The following DGCR8 variants were observed in gnomAD, a reference collection of about 807,000 sequenced individuals.
DGCR8 encodes microprocessor complex subunit DGCR8.
DGCR8 carries 14 observed loss-of-function variants against 78.5 expected under a neutral mutation model. The observed-to-expected ratio is 0.18, with a 90% confidence interval of 0.12 to 0.28. The LOEUF is 0.28. DGCR8 is among the 10% of genes least tolerant of loss of function. DGCR8 has a pLI of 1.00. For missense variants in DGCR8, 702 were observed against 1,022.5 expected, an observed-to-expected ratio of 0.69 and a Z score of 4.28; for synonymous variants, 399 against 402.4, an observed-to-expected ratio of 0.99 and a Z score of 0.10.
At position 20,111,706 on chromosome 22, in the gene DGCR8, G is replaced by GCCCCCCCCCCCCCCCCCCCCCC. The variant is rs71717697; in HGVS notation, c.*1614_*1615insCCCCCCCCCCCCCCCCCCCCCC. ...TGCCATACTCTTGTGGTCTCTGTGC[G>GCCCCCCCCCCCCCCCCCCCCCC]CCCCCCCCCCCCCCCCACCCGTCTG... On this transcript the variant is annotated 3_prime_UTR_variant, in exon 14 of 14. Coordinates refer to ENST00000351989, the MANE Select transcript of DGCR8 (RefSeq NM_022720.7). 1.6e-5 allele frequency: 1 copy of GCCCCCCCCCCCCCCCCCCCCCC among 63,026 alleles called. No homozygotes were observed. The highest frequency in any genetic ancestry group is 3.0e-5 in the Non-Finnish European group (1 of 33,564). 3.9% of individuals were successfully genotyped at this position (63,026 alleles called of 1,614,324 possible). A position where few individuals can be genotyped will look rare whatever the true frequency, so the allele number is the denominator to read the frequency against.
At chr22:20,106,448 G>A (rs927819126) in intron 10 of DGCR8, 144 bp from the exon 11 acceptor site, 49 of 806,766 alleles carry the variant, frequency 6.1e-5, no homozygotes, top group Middle Eastern at 3.1e-4. Flanking sequence ...TGAATCGGGC[G>A]TGTGGAGAAT....
chr22:20,110,998 G>C lies in DGCR8; in HGVS notation c.*890G>C, dbSNP rs2286928. Reference sequence around the variant, plus strand: ...ATTTTGAAAGACTTTCACAGTGAGAGTAGAAGGTAGATTTGGAATCATGCA... The same window carrying C: ...ATTTTGAAAGACTTTCACAGTGAGACTAGAAGGTAGATTTGGAATCATGCA... On this transcript the variant is annotated 3_prime_UTR_variant, in exon 14 of 14. Coordinates refer to ENST00000351989, the MANE Select transcript of DGCR8 (RefSeq NM_022720.7). 2.5e-6 allele frequency: 1 copy of C among 396,858 alleles called. No individual in the cohort carries two copies. Among genetic ancestry groups the C allele is most frequent in the African/African-American group, 2.1e-5 (1 of 48,610 alleles). 24.6% of individuals were successfully genotyped at this position (396,858 alleles called of 1,614,324 possible). A position where few individuals can be genotyped will look rare whatever the true frequency, so the allele number is the denominator to read the frequency against.
chr22:20,108,884 TC>T lies in DGCR8; in HGVS notation c.2125-3del. 1.3e-6 allele frequency: 2 copies of T among 1,512,520 alleles called. No homozygotes were observed. The highest frequency in any genetic ancestry group is 1.8e-6 in the Non-Finnish European group (2 of 1,089,474). The allele number at this position is 1,512,520 out of a possible 1,614,324, so 93.7% of individuals were successfully genotyped here. ...AGTCCTGAGCGTGAGGTGCTATACTTCCCAGGAGACATCGGACAAGAGTGTG... is the reference window on the plus strand; with the variant it reads ...AGTCCTGAGCGTGAGGTGCTATACTTCCAGGAGACATCGGACAAGAGTGTG... On this transcript the variant is annotated splice_polypyrimidine_tract_variant and splice_region_variant and intron_variant, in intron 12 of 13. Transcript: ENST00000351989.
rs2049836209 is a variant in DGCR8, at chr22:20,111,085, C to T, written c.*977C>T. On this transcript the variant is annotated 3_prime_UTR_variant, in exon 14 of 14. Transcript: ENST00000351989. ...GCCTTCAGTGTAGCCCATTCTTGAT[C>T]CAGAGCTGTTGCCTGTGACAGCGGT... 1 of 398,020 alleles carries T rather than the reference C, an allele frequency of 2.5e-6. No individual in the cohort carries two copies. The highest frequency in any genetic ancestry group is 2.1e-5 in the African/African-American group (1 of 48,756). The allele number at this position is 398,020 out of a possible 1,614,324, so 24.7% of individuals were successfully genotyped here. A position where few individuals can be genotyped will look rare whatever the true frequency, so the allele number is the denominator to read the frequency against.
chr22:20,098,126 CAA>C (rs202130331), intron 9 of DGCR8, among the ~76,000 whole-genome samples: 8 of 100,012 alleles, frequency 8.0e-5, no homozygotes, highest in Non-Finnish European at 1.2e-4. Context: ...ACTCCTGTCT[CAA>C]AAAAAAAAAA....
chr22:20,087,728 A>G lies in DGCR8; in HGVS notation c.880+407A>G, dbSNP rs1359784122. On this transcript the variant is annotated intron_variant, in intron 3 of 13. Coordinates refer to ENST00000351989, the MANE Select transcript of DGCR8 (RefSeq NM_022720.7). The surrounding 1 kb of genome is among the most constrained non-coding windows in gnomAD (Gnocchi z 4.1). ...GTTCTAGTCCTGGACCAAGTGTCACAGGAAGCCACCAGAAGCAAGTGGTGT... is the reference window on the plus strand; with the variant it reads ...GTTCTAGTCCTGGACCAAGTGTCACGGGAAGCCACCAGAAGCAAGTGGTGT... Among the ~76,000 whole-genome samples, 1 of 152,210 alleles carries G rather than the reference A, an allele frequency of 6.6e-6. No homozygotes were observed. The highest frequency in any genetic ancestry group is 1.5e-5 in the Non-Finnish European group (1 of 68,028).
rs2049837710 is a variant in DGCR8, at chr22:20,111,177, G to C, written c.*1069G>C. ...TTCTCGACTGGTGGCCCCTATGGGT[G>C]GGTGTGCGATGGAAATGTGTTCCTG... On this transcript the variant is annotated 3_prime_UTR_variant, in exon 14 of 14. Transcript: ENST00000351989. 5.0e-6 allele frequency: 2 copies of C among 398,700 alleles called. No homozygotes were observed. Among genetic ancestry groups the C allele is most frequent in the African/African-American group, 4.1e-5 (2 of 48,608 alleles). 24.7% of individuals were successfully genotyped at this position (398,700 alleles called of 1,614,324 possible).
rs368617830 is a variant in DGCR8, at chr22:20,087,117, G to A, written c.721-45G>A. 5 of 1,567,518 alleles carry A rather than the reference G, an allele frequency of 3.2e-6. No individual in the cohort carries two copies. The African/African-American group carries it at 5.4e-5, about 17-fold the overall frequency. On this transcript the variant is annotated intron_variant, in intron 2 of 13. Coordinates refer to ENST00000351989, the MANE Select transcript of DGCR8 (RefSeq NM_022720.7). The surrounding 1 kb of genome is among the most constrained non-coding windows in gnomAD (Gnocchi z 4.1). ...GCTGTTGAGCTCTCCTGTTGCAGGAGCATGAGCGCCAGGGGCTCTGGTGTC... is the reference window on the plus strand; with the variant it reads ...GCTGTTGAGCTCTCCTGTTGCAGGAACATGAGCGCCAGGGGCTCTGGTGTC...
Position 20,086,761 on chromosome 22 carries a change from A to G in DGCR8, c.720+78A>G. ...TTTGGGAATTGCAGCATCTTTTGAAAGCAGGGAAATTAAAAAAAAAAAAAA... is the reference window on the plus strand; with the variant it reads ...TTTGGGAATTGCAGCATCTTTTGAAGGCAGGGAAATTAAAAAAAAAAAAAA... On this transcript the variant is annotated intron_variant, in intron 2 of 13. Coordinates refer to ENST00000351989, the MANE Select transcript of DGCR8 (RefSeq NM_022720.7). This position sits in a 1 kb window ranked among gnomAD's most constrained non-coding sequence, Gnocchi z 6.4. 2 of 1,439,994 alleles carry G rather than the reference A, an allele frequency of 1.4e-6. No homozygotes were observed. Among genetic ancestry groups the G allele is most frequent in the Non-Finnish European group, 1.8e-6 (2 of 1,081,938 alleles). 89.2% of individuals were successfully genotyped at this position (1,439,994 alleles called of 1,614,324 possible). A position where few individuals can be genotyped will look rare whatever the true frequency, so the allele number is the denominator to read the frequency against.
chr22:20,110,257 T>C lies in DGCR8; in HGVS notation c.*149T>C. 1 of 723,520 alleles carries C rather than the reference T, an allele frequency of 1.4e-6. No individual in the cohort carries two copies. The highest frequency in any genetic ancestry group is 1.8e-5 in the South Asian group (1 of 56,436). 44.8% of individuals were successfully genotyped at this position (723,520 alleles called of 1,614,324 possible). A position where few individuals can be genotyped will look rare whatever the true frequency, so the allele number is the denominator to read the frequency against. On this transcript the variant is annotated 3_prime_UTR_variant, in exon 14 of 14. Transcript: ENST00000351989. Reference sequence around the variant, plus strand: ...GGGCCCGGCCTTAGGGTGGAGGCTTTAGTGTACAGGGACAGCCATGGCCAC... The same window carrying C: ...GGGCCCGGCCTTAGGGTGGAGGCTTCAGTGTACAGGGACAGCCATGGCCAC...
intron 9 of DGCR8, among the ~76,000 whole-genome samples, chr22:20,105,503 C>A (rs897634330): frequency 6.6e-6 from 1 of 152,254 alleles, no homozygotes; most frequent in South Asian, 2.1e-4. Context: ...TGGGAAGGCA[C>A]AGTGGGCAAT....
rs554069878 is a variant in DGCR8 at position 20,093,528 on chromosome 22, C to T, written c.1705+621C>T. Reference sequence around the variant, plus strand: ...CCAACTGGGCTGTGCTGGGCACATGCTGTAGTGCTTGTTTGTTTTTAAACT... The same window carrying T: ...CCAACTGGGCTGTGCTGGGCACATGTTGTAGTGCTTGTTTGTTTTTAAACT... On this transcript the variant is annotated intron_variant, in intron 8 of 13. Transcript: ENST00000351989. 2.0e-5 allele frequency among the ~76,000 whole-genome samples: 3 copies of T among 152,324 alleles called. No homozygotes were observed. The East Asian group carries it at 5.8e-4, about 29-fold the overall frequency.
intron 10 of DGCR8, 48 bp downstream of exon 10, chr22:20,106,325 C>A: frequency 6.8e-7 from 1 of 1,466,750 alleles, no homozygotes; most frequent in South Asian, 1.1e-5. Flanking sequence ...GGGGGAGCTC[C>A]TCTCTGGCGT....
At chr22:20,092,534 G>C (rs1349992461) in intron 7 of DGCR8, among the ~76,000 whole-genome samples, 2 of 152,090 alleles carry the variant, frequency 1.3e-5, no homozygotes, top group Admixed American at 1.3e-4. Context: ...GGTCCCTGTC[G>C]TAGGAGGCTC....
intron 8 of DGCR8, among the ~76,000 whole-genome samples, chr22:20,093,132 G>A (rs976370369): frequency 2.6e-5 from 4 of 152,156 alleles, no homozygotes; most frequent in African/African-American, 9.7e-5. Context: ...TCGGCCGGGC[G>A]TGGTGTCTCA....
At chr22:20,094,633 A>G (rs2049605814) in intron 8 of DGCR8, 80 bp from the exon 9 acceptor site, 1 of 1,272,188 alleles carries the variant, frequency 7.9e-7, no homozygotes, top group Non-Finnish European at 1.1e-6. Context: ...GATGGGAGGC[A>G]GCAGTGCACA....
chr22:20,108,643 C>CG (rs2049797901), intron 12 of DGCR8: 1 of 368,080 alleles, frequency 2.7e-6, no homozygotes, highest in South Asian at 2.3e-5. Flanking sequence ...ATATAAGTGG[C>CG]GTGGTGTGGG....
chr22:20,088,254 C>A (rs544592337), intron 3 of DGCR8, among the ~76,000 whole-genome samples: 133 of 152,238 alleles, frequency 8.7e-4, no homozygotes, highest in Non-Finnish European at 1.3e-3. Context: ...CAGGGTAAAC[C>A]TGGGGCTTCA....
chr22:20,110,856 G>C lies in DGCR8; in HGVS notation c.*748G>C, dbSNP rs1250890766. 4.2e-6 allele frequency: 1 copy of C among 235,486 alleles called. No individual in the cohort carries two copies. The highest frequency in any genetic ancestry group is 2.2e-5 in the African/African-American group (1 of 44,522). 14.6% of individuals were successfully genotyped at this position (235,486 alleles called of 1,614,324 possible). ...TTAATTCCCTAAAAGCGCCTCTTTG[G>C]ACACTGAGGCCCTCTCTGCCTTTCC... On this transcript the variant is annotated 3_prime_UTR_variant, in exon 14 of 14. Coordinates refer to ENST00000351989, the MANE Select transcript of DGCR8 (RefSeq NM_022720.7).
Sources: allele counts gnomAD v4.1 joint callset (sites outside exome capture counted in the v4.1 genomes callset), GRCh38; gene constraint gnomAD v4.1.1; non-coding constraint Gnocchi (gnomAD v3.1); transcripts MANE v1.5; gene names NCBI Gene and HGNC (gene_info 2026-07-23, HGNC 2026-07-21).